The following TENM2 variants were observed in gnomAD, a reference collection of about 807,000 sequenced individuals.
The protein encoded by TENM2 is teneurin transmembrane protein 2.
TENM2 carries 52 observed loss-of-function variants against 245.2 expected under a neutral mutation model. The observed-to-expected ratio is 0.21, with a 90% CI of 0.17 to 0.27. TENM2 has a LOEUF of 0.27. Ranked by LOEUF, TENM2 falls within the 10% of genes least tolerant of loss-of-function variation. The probability of loss-of-function intolerance (pLI) is 1.00; values close to 1 mark genes in which losing one functional copy is unlikely to be tolerated. For synonymous variants in TENM2, 1,363 were observed against 1,438.9 expected (o/e 0.95, Z 1.19); for missense variants, 3,046 against 3,666.8 (o/e 0.83, Z 4.37).
At chr5:167,357,258 C>G (rs1461265464) in intron 1 of TENM2, among the ~76,000 whole-genome samples, 2 of 151,134 alleles carry the variant, frequency 1.3e-5, no homozygotes, top group African/African-American at 4.9e-5. Context: ...ACAGAGCCCT[C>G]GTTGCTTTGA....
intron 2 of TENM2, among the ~76,000 whole-genome samples, chr5:167,742,392 CA>C (rs1761242113): frequency 1.3e-5 from 2 of 150,310 alleles, no homozygotes; most frequent in African/African-American, 2.4e-5. Context: ...CCCTGAAGTT[CA>C]CAGGCTTAAA....
chr5:167,655,401 T>C (rs1582665167), intron 2 of TENM2, among the ~76,000 whole-genome samples: 1 of 152,202 alleles, frequency 6.6e-6, no homozygotes, highest in Non-Finnish European at 1.5e-5. Flanking sequence ...TATAATCATA[T>C]GGCCACCTCT....
chr5:168,192,963 G>GTTTTATCTTAT (rs1761086032), intron 14 of TENM2, among the ~76,000 whole-genome samples: 1 of 152,044 alleles, frequency 6.6e-6, no homozygotes, highest in Non-Finnish European at 1.5e-5. Context: ...GGCCCTTCTG[G>GTTTTATCTTAT]TTTTATCTTA....
intron 4 of TENM2, among the ~76,000 whole-genome samples, chr5:167,969,339 C>T (rs1561994571): frequency 6.6e-6 from 1 of 152,186 alleles, no homozygotes; most frequent in Non-Finnish European, 1.5e-5. Context: ...TTTCCCTACA[C>T]AAGCACTCTC....
At chr5:168,021,597 T>C (rs1048358481) in intron 5 of TENM2, among the ~76,000 whole-genome samples, 1 of 152,198 alleles carries the variant, frequency 6.6e-6, no homozygotes, top group Admixed American at 6.5e-5. Flanking sequence ...TTCATGTCTT[T>C]ACTCTGTATC....
At chr5:167,242,780 ATTT>A in the TENM2 span, among the ~76,000 whole-genome samples, 1 of 152,150 alleles carries the variant, frequency 6.6e-6, no homozygotes, top group South Asian at 2.1e-4. Flanking sequence ...ACAGTAGGCT[ATTT>A]GTAGTTAAGT....
chr5:167,508,699 ATAG>A (rs1333316298), intron 2 of TENM2, among the ~76,000 whole-genome samples: 1 of 152,218 alleles, frequency 6.6e-6, no homozygotes, highest in East Asian at 1.9e-4. Context: ...GGACAAAGTA[ATAG>A]TAGAAGGGTT....
At chr5:167,944,031 C>T (rs1168294542) in intron 3 of TENM2, among the ~76,000 whole-genome samples, 2 of 152,206 alleles carry the variant, frequency 1.3e-5, no homozygotes, top group East Asian at 1.9e-4. Context: ...ATGGAGATGA[C>T]GCTGATCTCA....
chr5:167,911,590 G>A (rs1776561293), intron 3 of TENM2, among the ~76,000 whole-genome samples: 2 of 152,178 alleles, frequency 1.3e-5, no homozygotes, highest in Admixed American at 1.3e-4. Flanking sequence ...AATATCTCTT[G>A]GGCACCTACC....
intron 2 of TENM2, among the ~76,000 whole-genome samples, chr5:167,692,752 A>C (rs1757514648): frequency 6.6e-6 from 1 of 152,226 alleles, no homozygotes; most frequent in Non-Finnish European, 1.5e-5. Context: ...TAGATCGATT[A>C]GATTAACAAT....
At chr5:167,343,852 A>G (rs1758277417) in intron 1 of TENM2, among the ~76,000 whole-genome samples, 1 of 152,108 alleles carries the variant, frequency 6.6e-6, no homozygotes, top group Non-Finnish European at 1.5e-5. Flanking sequence ...ACCATAGTGA[A>G]AGGCAGTGGG....
At chr5:167,437,853 C>G (rs563082255) in intron 2 of TENM2, among the ~76,000 whole-genome samples, 1 of 152,262 alleles carries the variant, frequency 6.6e-6, no homozygotes, top group South Asian at 2.1e-4. Flanking sequence ...GATTGTGAGG[C>G]CTCCGCAGCC....
intron 3 of TENM2, among the ~76,000 whole-genome samples, chr5:167,883,276 T>C (rs1419588997): frequency 2.0e-5 from 3 of 152,246 alleles, no homozygotes. Context: ...CTCAGGACTC[T>C]CTCGGCATTG....
At chr5:167,696,923 G>A (rs533071343) in intron 2 of TENM2, among the ~76,000 whole-genome samples, 1 of 152,140 alleles carries the variant, frequency 6.6e-6, no homozygotes, top group Non-Finnish European at 1.5e-5. Context: ...AAAACCTCAA[G>A]AAGCTCATCA....
intron 6 of TENM2, among the ~76,000 whole-genome samples, chr5:168,055,685 G>A (rs745472490): frequency 1.3e-5 from 2 of 151,880 alleles, no homozygotes; most frequent in Admixed American, 6.6e-5. Flanking sequence ...TTCACCCCCC[G>A]CAACTGAAAA....
chr5:167,678,244 G>A (rs1478168149), intron 2 of TENM2, among the ~76,000 whole-genome samples: 2 of 151,910 alleles, frequency 1.3e-5, no homozygotes, highest in South Asian at 2.1e-4. Context: ...AATTCTCTAC[G>A]ATTAACATAT....
chr5:167,771,929 G>A (rs1763429367), intron 2 of TENM2, among the ~76,000 whole-genome samples: 1 of 152,112 alleles, frequency 6.6e-6, no homozygotes, highest in Non-Finnish European at 1.5e-5. Flanking sequence ...GGTGAACTAC[G>A]TATCTGAATG....
intron 5 of TENM2, among the ~76,000 whole-genome samples, chr5:168,032,039 A>G (rs1381895433): frequency 6.6e-6 from 1 of 152,160 alleles, no homozygotes; most frequent in Non-Finnish European, 1.5e-5. Flanking sequence ...TGCCACTTTC[A>G]GTATAAGAGA....
chr5:167,394,141 A>G (rs913189012), intron 2 of TENM2, among the ~76,000 whole-genome samples: 4 of 152,106 alleles, frequency 2.6e-5, no homozygotes, highest in Admixed American at 2.6e-4. Flanking sequence ...AGGTAGTCCC[A>G]CCTATTTTTG....
Sources: gnomAD v4.1 joint callset for allele counts (sites outside exome capture counted in the v4.1 genomes callset) on GRCh38, gnomAD v4.1.1 for gene constraint, MANE v1.5 for transcripts, NCBI Gene and HGNC (gene_info 2026-07-23, HGNC 2026-07-21) for gene names.